SMAD6: variants seen among roughly 807,000 people sequenced by gnomAD.
SMAD6 encodes MAD homolog 6.
Under a neutral mutation model 39.4 loss-of-function variants are expected in SMAD6, and 103 were observed. The ratio of observed to expected loss-of-function variants is 2.62; its 90% CI spans 2.23 to 3.08. The LOEUF (loss-of-function observed/expected upper bound fraction) is 3.08. Ranked by LOEUF, SMAD6 falls within the 30% of genes most tolerant of loss-of-function variation. The pLI is 0.00. For missense variants in SMAD6, 1,104 were observed against 742.9 expected, an observed-to-expected ratio of 1.49 and a Z score of -5.65; for synonymous variants, 445 against 353.3, an observed-to-expected ratio of 1.26 and a Z score of -2.91.
In SMAD6 at chr15:66,717,598, C is replaced by T. The variant is rs193171526; in HGVS notation, c.952+1100C>T. 5 of 388,076 alleles carry T rather than the reference C, an allele frequency of 1.3e-5. No homozygotes were observed. The Admixed American group carries it at 1.4e-4, about 11-fold the overall frequency. 24.0% of individuals were successfully genotyped at this position (388,076 alleles called of 1,614,324 possible). A position where few individuals can be genotyped will look rare whatever the true frequency, so the allele number is the denominator to read the frequency against. ...TAAGGATAATGCAGCACTGGCTGCT[C>T]ATGGCTGCCTGGCCATTTCCCCAGC... On this transcript the variant is annotated intron_variant, in intron 3 of 3. Coordinates refer to ENST00000288840, the MANE Select transcript of SMAD6 (RefSeq NM_005585.5).
At chr15:66,738,326 C>T (rs999603292) in intron 3 of SMAD6, among the ~76,000 whole-genome samples, 2 of 152,124 alleles carry the variant, frequency 1.3e-5, no homozygotes, top group South Asian at 2.1e-4. Context: ...AGGTGTGCAG[C>T]GGGTGCATAC....
intron 3 of SMAD6, chr15:66,717,061 C>G: frequency 7.8e-7 from 1 of 1,289,094 alleles, no homozygotes; most frequent in Non-Finnish European, 1.0e-6. Flanking sequence ...AGTCCTCTGT[C>G]CCCTGCAGTT....
At chr15:66,717,939 T>C (rs907765474) in intron 3 of SMAD6, among the ~76,000 whole-genome samples, 1 of 152,196 alleles carries the variant, frequency 6.6e-6, no homozygotes, top group African/African-American at 2.4e-5. Flanking sequence ...CCTCTGCACC[T>C]ACATGAGTGA....
At chr15:66,718,146 G>C (rs113128807) in intron 3 of SMAD6, among the ~76,000 whole-genome samples, 6 of 151,182 alleles carry the variant, frequency 4.0e-5, no homozygotes, top group East Asian at 3.9e-4. Context: ...GTGTGTGTGT[G>C]TGTGTCTGTG....
intron 3 of SMAD6, among the ~76,000 whole-genome samples, chr15:66,721,395 C>T (rs984608735): frequency 2.1e-5 from 3 of 143,850 alleles, no homozygotes; most frequent in East Asian, 2.0e-4. Context: ...AGTGTGTTCT[C>T]GTCCAACAAC....
At chr15:66,751,397 G>T (rs1008719905) in intron 3 of SMAD6, among the ~76,000 whole-genome samples, 1 of 152,216 alleles carries the variant, frequency 6.6e-6, no homozygotes, top group African/African-American at 2.4e-5. Context: ...CATAGTGGAT[G>T]TTCAGGACTA....
At chr15:66,727,926 C>T (rs534479563) in intron 3 of SMAD6, among the ~76,000 whole-genome samples, 5 of 151,976 alleles carry the variant, frequency 3.3e-5, no homozygotes, top group African/African-American at 7.3e-5. Flanking sequence ...GATCTCCGCT[C>T]GCGGTAACCT....
At chr15:66,720,386 A>G (rs1429448585) in intron 3 of SMAD6, among the ~76,000 whole-genome samples, 1 of 152,160 alleles carries the variant, frequency 6.6e-6, no homozygotes, top group African/African-American at 2.4e-5. Context: ...TGAACATGTC[A>G]TAAGGAGCTT....
chr15:66,732,427 C>T (rs1282784894), intron 3 of SMAD6, among the ~76,000 whole-genome samples: 2 of 152,212 alleles, frequency 1.3e-5, no homozygotes, highest in African/African-American at 4.8e-5. Flanking sequence ...CCATGGCTCA[C>T]TGTAACCCTG....
intron 3 of SMAD6, among the ~76,000 whole-genome samples, chr15:66,757,835 G>A (rs1376139295): frequency 6.6e-6 from 1 of 152,194 alleles, no homozygotes; most frequent in Admixed American, 6.5e-5. Context: ...CATGGAATGC[G>A]CTGGGCATCC....
Position 66,781,427 on chromosome 15 carries a change from C to T in SMAD6, c.1383C>T (p.Pro461=), listed in dbSNP as rs768771509. The T allele has an allele frequency of 1.2e-6, 2 of 1,605,258 alleles. No homozygotes were observed. Among genetic ancestry groups the T allele is most frequent in the Admixed American group, 1.7e-5 (1 of 59,856 alleles). ...ACGCCGCCGACGGCCCCTACGACCC[C>T]AACAGCGTCCGCATCAGCTTCGCCA... The part of the protein sequence containing the change: ...EPDAADGPYD[P]NSVRISFAKG... Residue 461 remains proline (P), a synonymous_variant, in exon 4 of 4, where the codon CCC becomes CCT. Coordinates refer to ENST00000288840, the MANE Select transcript of SMAD6 (RefSeq NM_005585.5).
chr15:66,782,113 G>A lies in SMAD6; in HGVS notation c.*578G>A. 1 of 393,536 alleles carries A rather than the reference G, an allele frequency of 2.5e-6. No homozygotes were observed. Among genetic ancestry groups the A allele is most frequent in the Non-Finnish European group, 4.5e-6 (1 of 223,912 alleles). 24.4% of individuals were successfully genotyped at this position (393,536 alleles called of 1,614,324 possible). On this transcript the variant is annotated 3_prime_UTR_variant, in exon 4 of 4. Transcript: ENST00000288840. The stretch of plus-strand genomic sequence containing the variant: ...GTTTTACTTTTATTGGATAAAGACA[G>A]AACAAATTGAAAAGGGAGGAAAGTC...
At chr15:66,758,544 A>G (rs754846622) in intron 3 of SMAD6, among the ~76,000 whole-genome samples, 24 of 152,198 alleles carry the variant, frequency 1.6e-4, no homozygotes, top group Non-Finnish European at 3.2e-4. Context: ...CCTGACCAAC[A>G]TGGTGAAACC....
In SMAD6 at chr15:66,720,774, G is replaced by A. The variant is rs1367018419; in HGVS notation, c.952+4276G>A. Among the ~76,000 whole-genome samples, 4 of 152,232 alleles carry A rather than the reference G, an allele frequency of 2.6e-5. No individual in the cohort carries two copies. The South Asian group carries it at 6.2e-4, about 24-fold the overall frequency. On this transcript the variant is annotated intron_variant, in intron 3 of 3. Coordinates refer to ENST00000288840, the MANE Select transcript of SMAD6 (RefSeq NM_005585.5). ...ACGCTTGTTATGGAACACTGGGCAG[G>A]GCCCTCAGGGTGGGAGCTGGGCAGT... is the stretch of plus-strand genomic sequence containing the variant.
chr15:66,722,192 C>T (rs756190889), intron 3 of SMAD6, among the ~76,000 whole-genome samples: 1 of 152,162 alleles, frequency 6.6e-6, no homozygotes, highest in Non-Finnish European at 1.5e-5. Flanking sequence ...ACTGATCACA[C>T]CTGACCAATA....
chr15:66,771,657 C>G (rs1053937301), intron 3 of SMAD6, among the ~76,000 whole-genome samples: 1 of 152,130 alleles, frequency 6.6e-6, no homozygotes, highest in Non-Finnish European at 1.5e-5. Flanking sequence ...GGCTCAGGGT[C>G]GGGATTCCTG....
chr15:66,725,291 C>T lies in SMAD6; in HGVS notation c.952+8793C>T, dbSNP rs1567099318. On this transcript the variant is annotated intron_variant, in intron 3 of 3. Coordinates refer to ENST00000288840, the MANE Select transcript of SMAD6 (RefSeq NM_005585.5). ...ATTCATGGCCCGTTTCCCCATGCCCCCCAGTCAGGACCTGGCACCCCCTGC... is the reference window on the plus strand; with the variant it reads ...ATTCATGGCCCGTTTCCCCATGCCCTCCAGTCAGGACCTGGCACCCCCTGC... Among the ~76,000 whole-genome samples the T allele has an allele frequency of 2.0e-5, 3 of 152,334 alleles. No individual in the cohort carries two copies. The East Asian group carries it at 5.8e-4, about 29-fold the overall frequency.
chr15:66,754,223 A>C (rs1894058174), intron 3 of SMAD6, among the ~76,000 whole-genome samples: 1 of 152,138 alleles, frequency 6.6e-6, no homozygotes, highest in South Asian at 2.1e-4. Context: ...TTGTGCTCTC[A>C]AATTAAAGCC....
intron 3 of SMAD6, among the ~76,000 whole-genome samples, chr15:66,719,332 C>T (rs1893389315): frequency 6.6e-6 from 1 of 152,202 alleles, no homozygotes; most frequent in South Asian, 2.1e-4. Flanking sequence ...GGCACCTGTC[C>T]TGATTTAAGT....
Sources: allele counts gnomAD v4.1 joint callset (sites outside exome capture counted in the v4.1 genomes callset), GRCh38; gene constraint gnomAD v4.1.1; transcripts MANE v1.5; gene names NCBI Gene and HGNC (gene_info 2026-07-23, HGNC 2026-07-21).